Variants in PREPL observed in about 807,000 individuals in gnomAD.
The protein encoded by PREPL is prolyl endopeptidase-like.
PREPL carries 77 observed loss-of-function variants against 70.6 expected under a neutral mutation model. The observed-to-expected ratio is 1.09, with a 90% confidence interval of 0.91 to 1.32. PREPL has a LOEUF of 1.32. Ranked by LOEUF, PREPL falls within the 40% of genes most tolerant of loss-of-function variation. The pLI, the probability that PREPL is intolerant of heterozygous loss-of-function variation, is 0.00. For synonymous variants in PREPL, 315 were observed against 264.8 expected, an observed-to-expected ratio of 1.19 and a Z score of -1.84; for missense variants, 1,002 against 778.2, an observed-to-expected ratio of 1.29 and a Z score of -3.42.
chr2:44,340,471 C>T (rs575243449), intron 5 of PREPL, among the ~76,000 whole-genome samples: 1 of 152,040 alleles, frequency 6.6e-6, no homozygotes, highest in Non-Finnish European at 1.5e-5. Context: ...TAAAGAATCC[C>T]AATGCCCCCA....
At position 44,324,094 on chromosome 2, in the gene PREPL, A is replaced by G. The variant is rs573869714; in HGVS notation, c.1480-683T>C. ...TGCAATATTACATGGAATATTATTCAGCCTTAAAAATGAATAAAATTCTGA... is the reference window on the plus strand; with the variant it reads ...TGCAATATTACATGGAATATTATTCGGCCTTAAAAATGAATAAAATTCTGA... On this transcript the variant is annotated intron_variant, in intron 10 of 13. Transcript: ENST00000409411. 2.2e-3 allele frequency among the ~76,000 whole-genome samples: 334 copies of G among 152,380 alleles called. 1 individual carries two copies. Among genetic ancestry groups the G allele is most frequent in the African/African-American group, 7.3e-3 (304 of 41,592 alleles).
chr2:44,319,519 CAAT>C lies in PREPL; in HGVS notation c.*1834_*1836del, dbSNP rs1450231242. On this transcript the variant is annotated 3_prime_UTR_variant, in exon 14 of 14. Coordinates refer to ENST00000409411, the MANE Select transcript of PREPL (RefSeq NM_001171613.2). ...ATTTATGGAGGCTATATTATATAGT[CAAT>C]AACAGAAAATGCTTGAAAGGTTAGA... The C allele has an allele frequency of 5.3e-5, 8 of 152,144 alleles. No individual in the cohort carries two copies. Among genetic ancestry groups the C allele is most frequent in the African/African-American group, 1.7e-4 (7 of 41,394 alleles). The allele number at this position is 152,144 out of a possible 1,614,324, so 9.4% of individuals were successfully genotyped here.
intron 13 of PREPL, 57 bp from the exon 14 acceptor site, chr2:44,321,502 GTTTAAGCTTCTC>G (rs1337847893): frequency 6.3e-7 from 1 of 1,578,908 alleles, no homozygotes; most frequent in Non-Finnish European, 8.6e-7. Flanking sequence ...AAATGCCACT[GTTTAAGCTTCTC>G]TTTATCTATC....
intron 1 of PREPL, among the ~76,000 whole-genome samples, chr2:44,350,695 T>C (rs1676323172): frequency 6.6e-6 from 1 of 152,188 alleles, no homozygotes; most frequent in Non-Finnish European, 1.5e-5. Flanking sequence ...TCCTTACCCC[T>C]TCTCTAGAGC....
chr2:44,321,563 GAATACTTTCATTCGAGAGAGAGGC>G (rs1263407996), intron 13 of PREPL, 118 bp from the exon 14 acceptor site: 97 of 1,505,080 alleles, frequency 6.4e-5, no homozygotes, highest in Non-Finnish European at 8.1e-5. Context: ...TTTATGGCAA[GAATACTTTCATTCGAGAGAGAGGC>G]AGAAGGCTTC....
At chr2:44,349,917 T>C (rs1676224475) in intron 1 of PREPL, among the ~76,000 whole-genome samples, 1 of 152,200 alleles carries the variant, frequency 6.6e-6, no homozygotes, top group Non-Finnish European at 1.5e-5. Flanking sequence ...AAAAGCTATA[T>C]AAGTCACTAA....
At chr2:44,337,407 A>G (rs922453100) in intron 7 of PREPL, among the ~76,000 whole-genome samples, 5 of 152,222 alleles carry the variant, frequency 3.3e-5, no homozygotes, top group Non-Finnish European at 7.3e-5. Context: ...GTGATTAACT[A>G]TATCTTCCTT....
intron 3 of PREPL, 72 bp from the exon 4 acceptor site, chr2:44,344,023 G>C (rs1256743682): frequency 2.0e-6 from 3 of 1,485,286 alleles, no homozygotes; most frequent in Non-Finnish European, 1.8e-6. Context: ...GTATTTTAAT[G>C]TTTTAAATTA....
In PREPL at chr2:44,318,606, A is replaced by G. The variant is rs554295628; in HGVS notation, c.*2750T>C. ...GAAAAATATATAAACATATGAAATGATACATTCTGTGCCTATGCAAACATA... is the reference window on the plus strand; with the variant it reads ...GAAAAATATATAAACATATGAAATGGTACATTCTGTGCCTATGCAAACATA... On this transcript the variant is annotated 3_prime_UTR_variant, in exon 14 of 14. Coordinates refer to ENST00000409411, the MANE Select transcript of PREPL (RefSeq NM_001171613.2). 1 of 10,976 alleles carries G rather than the reference A, an allele frequency of 9.1e-5. No homozygotes were observed. The highest frequency in any genetic ancestry group is 5.8e-4 in the Admixed American group (1 of 1,720). 0.7% of individuals were successfully genotyped at this position (10,976 alleles called of 1,614,324 possible).
rs79974372 is a variant in PREPL at position 44,325,428 on chromosome 2, G to A, written c.1479+1284C>T. Among the ~76,000 whole-genome samples the A allele has an allele frequency of 3.3e-3, 508 of 152,194 alleles. 2 individuals are homozygous for A. The highest frequency in any genetic ancestry group is 0.011 in the African/African-American group (473 of 41,516). On this transcript the variant is annotated intron_variant, in intron 10 of 13. Coordinates refer to ENST00000409411, the MANE Select transcript of PREPL (RefSeq NM_001171613.2). ...CTTTGGCTCTGAAGCCTCTAACACT[G>A]GTCTGAAGACACCTACATTTTCCTA...
chr2:44,344,668 T>C, intron 2 of PREPL, 82 bp from the exon 3 acceptor site: 1 of 1,039,092 alleles, frequency 9.6e-7, no homozygotes, highest in Non-Finnish European at 1.4e-6. Context: ...GAAGATGAAA[T>C]GAAGACTCTT....
chr2:44,355,673 C>T (rs1173564795), intron 1 of PREPL, among the ~76,000 whole-genome samples: 2 of 151,728 alleles, frequency 1.3e-5, no homozygotes, highest in Non-Finnish European at 2.9e-5. Context: ...AATCTGATTG[C>T]GCCTACATTT....
chr2:44,332,033 G>A lies in PREPL; in HGVS notation c.1086+426C>T, dbSNP rs180858900. On this transcript the variant is annotated intron_variant, in intron 8 of 13. Coordinates refer to ENST00000409411, the MANE Select transcript of PREPL (RefSeq NM_001171613.2). ...ACGATCTAGGCTCACTGCATGCTCC[G>A]CCTCCTGGGTTCACGCCATTCTCCT... Among the ~76,000 whole-genome samples the A allele has an allele frequency of 3.7e-3, 540 of 146,250 alleles. 2 individuals are homozygous for A. Among genetic ancestry groups the A allele is most frequent in the African/African-American group, 0.012 (476 of 39,340 alleles).
At chr2:44,358,384 G>A (rs1043906731) in intron 1 of PREPL, among the ~76,000 whole-genome samples, 4 of 151,816 alleles carry the variant, frequency 2.6e-5, no homozygotes, top group Admixed American at 2.0e-4. Flanking sequence ...ATCAGTATGC[G>A]ACAAAACCAG....
chr2:44,337,078 C>CA (rs1674713150), intron 7 of PREPL, among the ~76,000 whole-genome samples: 1 of 152,168 alleles, frequency 6.6e-6, no homozygotes, highest in African/African-American at 2.4e-5. Flanking sequence ...TTGACACTCA[C>CA]AAAAAGTCAA....
At chr2:44,328,438 CAAAAAAAAAAAAAA>C (rs1194898905) in intron 9 of PREPL, among the ~76,000 whole-genome samples, 1 of 61,190 alleles carries the variant, frequency 1.6e-5, no homozygotes, top group Non-Finnish European at 2.8e-5. Flanking sequence ...CTGTCTCAAA[CAAAAAAAAAAAAAA>C]AAAAAAAAAA....
chr2:44,321,438 G>C lies in PREPL; in HGVS notation c.1835C>G (p.Ala612Gly). The change falls in exon 14 of 14, where the codon GCC becomes GGC. Residue 612 changes from alanine (A) to glycine (G), a missense_variant. Physicochemically the swap from Ala to Gly is moderately conservative, Grantham distance 60. Coordinates refer to ENST00000409411, the MANE Select transcript of PREPL (RefSeq NM_001171613.2). ...TTCCTCGTACAGGAATTTAATTTGGGCTGTAATCTAAAAGAAACACATTAA... is the reference window on the plus strand; with the variant it reads ...TTCCTCGTACAGGAATTTAATTTGGCCTGTAATCTAAAAGAAACACATTAA... The part of the protein sequence containing the change: ...VIEDSHKKIT[A>G]QIKFLYEELG... The C allele has an allele frequency of 6.2e-7, 1 of 1,611,968 alleles. No individual in the cohort carries two copies. The highest frequency in any genetic ancestry group is 8.5e-7 in the Non-Finnish European group (1 of 1,178,410).
rs113160253 is a variant in PREPL, at chr2:44,333,376, A to C, written c.889-720T>G. The stretch of plus-strand genomic sequence containing the variant: ...CTAACATCCCTCTTACACCTTTTAA[A>C]GAACTCTGGTAAGCAGGTTGACAGA... On this transcript the variant is annotated intron_variant, in intron 7 of 13. Coordinates refer to ENST00000409411, the MANE Select transcript of PREPL (RefSeq NM_001171613.2). Among the ~76,000 whole-genome samples the C allele has an allele frequency of 2.1e-3, 325 of 152,310 alleles. No homozygotes were observed. The Middle Eastern group carries it at 0.027, about 13-fold the overall frequency.
intron 5 of PREPL, among the ~76,000 whole-genome samples, chr2:44,340,385 AAT>A (rs1422771815): frequency 6.6e-6 from 1 of 152,134 alleles, no homozygotes; most frequent in Non-Finnish European, 1.5e-5. Context: ...ATACTAACAT[AAT>A]GAGTGGCTTT....
Sources: allele counts gnomAD v4.1 joint callset (sites outside exome capture counted in the v4.1 genomes callset), GRCh38; gene constraint gnomAD v4.1.1; transcripts MANE v1.5; gene names NCBI Gene and HGNC (gene_info 2026-07-23, HGNC 2026-07-21).